COX10: variants seen among roughly 807,000 people sequenced by gnomAD.
COX10 encodes protoheme IX farnesyltransferase, mitochondrial.
COX10 carries 27 observed loss-of-function variants against 37.3 expected under a neutral mutation model. The ratio of observed to expected loss-of-function variants is 0.72; its 90% confidence interval spans 0.53 to 1.00. The LOEUF (loss-of-function observed/expected upper bound fraction) is 1.00, where lower values mean the gene tolerates loss of function less well. Ranked by LOEUF, COX10 falls within the 50% of genes least tolerant of loss-of-function variation. The pLI is 0.00. For missense variants in COX10, 475 were observed against 563.2 expected (o/e 0.84, Z 1.59); for synonymous variants, 222 against 229.1 (o/e 0.97, Z 0.28).
chr17:14,155,326 ACAT>A, intron 4 of COX10, among the ~76,000 whole-genome samples: 1 of 19,330 alleles, frequency 5.2e-5, no homozygotes, highest in African/African-American at 1.3e-4. Flanking sequence ...TAAAACATCT[ACAT>A]AAAAAAAAAA....
chr17:14,156,202 G>A (rs1253873352), intron 4 of COX10, among the ~76,000 whole-genome samples: 1 of 152,056 alleles, frequency 6.6e-6, no homozygotes, highest in Non-Finnish European at 1.5e-5. Flanking sequence ...GTTTACTCAG[G>A]TTGCACAGCC....
intron 4 of COX10, among the ~76,000 whole-genome samples, chr17:14,143,901 G>A (rs1276902089): frequency 6.6e-6 from 1 of 152,130 alleles, no homozygotes; most frequent in Non-Finnish European, 1.5e-5. Context: ...GGTGTCAGGA[G>A]TGCTAAAGCA....
At chr17:14,195,880 C>T (rs773614923) in intron 6 of COX10, among the ~76,000 whole-genome samples, 1 of 152,144 alleles carries the variant, frequency 6.6e-6, no homozygotes, top group Non-Finnish European at 1.5e-5. Flanking sequence ...CCAGACAGAG[C>T]TCTAGCCATT....
chr17:14,204,158 A>C (rs928052074), intron 6 of COX10, among the ~76,000 whole-genome samples: 2 of 152,112 alleles, frequency 1.3e-5, no homozygotes, highest in Non-Finnish European at 2.9e-5. Flanking sequence ...GAAAGTGAAC[A>C]TACCCTAAGA....
At chr17:14,121,004 C>T (rs745850440) in intron 4 of COX10, among the ~76,000 whole-genome samples, 2 of 152,140 alleles carry the variant, frequency 1.3e-5, no homozygotes, top group Admixed American at 6.6e-5. Context: ...TTGTCCTTTG[C>T]TTCTGTAACC....
chr17:14,092,660 G>A (rs941949447), intron 3 of COX10, among the ~76,000 whole-genome samples: 3 of 152,048 alleles, frequency 2.0e-5, no homozygotes, highest in Non-Finnish European at 4.4e-5. Flanking sequence ...ACTATATTAT[G>A]TGGTTCACAG....
intron 4 of COX10, among the ~76,000 whole-genome samples, chr17:14,109,565 A>G (rs920069214): frequency 2.0e-5 from 3 of 152,208 alleles, no homozygotes; most frequent in African/African-American, 7.2e-5. Flanking sequence ...GTATTGTAGA[A>G]GAAGAAAATG....
At chr17:14,204,755 G>T (rs943270817) in intron 6 of COX10, among the ~76,000 whole-genome samples, 1 of 145,180 alleles carries the variant, frequency 6.9e-6, no homozygotes, top group Non-Finnish European at 1.5e-5. Context: ...AGGCACACAT[G>T]CTCAGCACTC....
chr17:14,166,769 G>A (rs906753918), intron 5 of COX10, among the ~76,000 whole-genome samples: 5 of 147,584 alleles, frequency 3.4e-5, no homozygotes, highest in Admixed American at 1.4e-4. Flanking sequence ...GTGCCACCAC[G>A]CCTGGCTATT....
rs16948978 is a variant in COX10 at position 14,074,362 on chromosome 17, C to T, written c.83C>T (p.Thr28Ile). 3.5e-3 allele frequency: 5,619 copies of T among 1,614,028 alleles called. 172 individuals are homozygous for T. In the African/African-American group the frequency reaches 0.064, roughly 18 times the overall value. Residue 28 changes from threonine to isoleucine, a missense_variant, in exon 2 of 7, where the codon ACT becomes ATT. Physicochemically the swap from Thr to Ile is moderately conservative, Grantham distance 89 (BLOSUM62 -1). Around this residue, in one of 5 missense-constraint regions of COX10, gnomAD observed 242 missense variants for 242.5 expected, o/e 1.00. Coordinates refer to ENST00000261643, the MANE Select transcript of COX10 (RefSeq NM_001303.4). The part of the protein sequence containing the change: ...GGSVWYLERR[T>I]IQDSPHKFLH... Reference sequence around the variant, plus strand: ...TCTGTCTGGTATCTTGAAAGAAGAACTATACAGGACTCCCCTCACAAGTTC... The same window carrying T: ...TCTGTCTGGTATCTTGAAAGAAGAATTATACAGGACTCCCCTCACAAGTTC...
intron 4 of COX10, among the ~76,000 whole-genome samples, chr17:14,156,391 G>A (rs570846777): frequency 5.9e-5 from 9 of 152,102 alleles, no homozygotes; most frequent in South Asian, 4.2e-4. Context: ...CACCGCGCCC[G>A]GCTAATTTTT....
At chr17:14,195,150 C>G (rs1206245702) in intron 6 of COX10, among the ~76,000 whole-genome samples, 1 of 152,200 alleles carries the variant, frequency 6.6e-6, no homozygotes, top group Non-Finnish European at 1.5e-5. Context: ...CTTTAAACTA[C>G]TTCAAAAAAG....
intron 4 of COX10, among the ~76,000 whole-genome samples, chr17:14,123,626 A>G (rs188631381): frequency 6.6e-6 from 1 of 152,310 alleles, no homozygotes; most frequent in Admixed American, 6.5e-5. Flanking sequence ...AGAGAATGTA[A>G]ATGTTATTTC....
At chr17:14,204,359 A>G (rs995110064) in intron 6 of COX10, among the ~76,000 whole-genome samples, 1 of 150,472 alleles carries the variant, frequency 6.6e-6, no homozygotes, top group South Asian at 2.1e-4. Flanking sequence ...CACACTAATG[A>G]CCTCCTCTCC....
intron 4 of COX10, among the ~76,000 whole-genome samples, chr17:14,136,887 C>A (rs1161381264): frequency 1.3e-5 from 2 of 151,870 alleles, no homozygotes; most frequent in African/African-American, 2.4e-5. Context: ...ACATTGAAAT[C>A]TTTTTGGTTA....
At chr17:14,111,525 C>G (rs1250493720) in intron 4 of COX10, among the ~76,000 whole-genome samples, 1 of 152,088 alleles carries the variant, frequency 6.6e-6, no homozygotes, top group African/African-American at 2.4e-5. Flanking sequence ...ACAGCTTTAG[C>G]TTTCATTCTG....
At chr17:14,122,583 G>A (rs1391243005) in intron 4 of COX10, among the ~76,000 whole-genome samples, 2 of 152,124 alleles carry the variant, frequency 1.3e-5, no homozygotes, top group African/African-American at 2.4e-5. Context: ...GCTGCCTGAA[G>A]TCTTGGTTGG....
chr17:14,086,873 C>T (rs1024302021), intron 3 of COX10, among the ~76,000 whole-genome samples: 6 of 152,124 alleles, frequency 3.9e-5, no homozygotes, highest in Non-Finnish European at 8.8e-5. Context: ...TTTCTACTAG[C>T]TTTCTTCATT....
At chr17:14,199,172 G>T (rs1201538374) in intron 6 of COX10, among the ~76,000 whole-genome samples, 4 of 152,116 alleles carry the variant, frequency 2.6e-5, no homozygotes, top group Non-Finnish European at 5.9e-5. Context: ...GGGCACTGAG[G>T]TCTTGTCAGT....
Sources: gnomAD v4.1 joint callset for allele counts (sites outside exome capture counted in the v4.1 genomes callset) on GRCh38, gnomAD v4.1.1 for gene constraint, gnomAD v4.1.1 regional missense constraint, MANE v1.5 for transcripts, NCBI Gene and HGNC (gene_info 2026-07-23, HGNC 2026-07-21) for gene names.